The following USP48 variants were observed in gnomAD, a reference collection of about 807,000 sequenced individuals.
USP48 encodes the protein ubiquitin carboxyl-terminal hydrolase 48.
USP48 carries 43 observed loss-of-function variants against 150.7 expected under a neutral mutation model. That is an observed-to-expected ratio of 0.29 (90% CI 0.22 to 0.37). The LOEUF is 0.37. Ranked by LOEUF, USP48 falls within the 10% of genes least tolerant of loss-of-function variation. The probability of loss-of-function intolerance (pLI) is 1.00; values close to 1 mark genes in which losing one functional copy is unlikely to be tolerated. For missense variants in USP48, 813 were observed against 1,249.6 expected, an observed-to-expected ratio of 0.65 and a Z score of 5.27; for synonymous variants, 396 against 425.9, an observed-to-expected ratio of 0.93 and a Z score of 0.86.
chr1:21,682,083 G>C (rs2097567499), intron 25 of USP48, among the ~76,000 whole-genome samples: 1 of 152,132 alleles, frequency 6.6e-6, no homozygotes, highest in African/African-American at 2.4e-5. Context: ...ATTCTTTCTT[G>C]ATTTAATGTT....
chr1:21,703,367 T>C (rs958472730), intron 21 of USP48, 145 bp downstream of exon 21: 22 of 530,858 alleles, frequency 4.1e-5, no homozygotes, highest in African/African-American at 3.8e-4. Flanking sequence ...TTTTCAATTA[T>C]TGTCCAATTT....
chr1:21,751,149 T>C (rs2152577350), intron 6 of USP48, among the ~76,000 whole-genome samples: 1 of 152,188 alleles, frequency 6.6e-6, no homozygotes, highest in East Asian at 1.9e-4. Flanking sequence ...ACCATATCAA[T>C]GTAAAAAAGT....
At position 21,767,367 on chromosome 1, in the gene USP48, AGTGCAGTG is replaced by A. The variant is rs1352062529; in HGVS notation, c.135-9592_135-9585del. On this transcript the variant is annotated intron_variant, in intron 1 of 26. Coordinates refer to ENST00000308271, the MANE Select transcript of USP48 (RefSeq NM_032236.8). ...TGTCTCGCTCTGTTGCCCAGGCTAG[AGTGCAGTG>A]GTGCAGTGGCTCAATCTCAGCTCAC... is the stretch of plus-strand genomic sequence containing the variant. Among the ~76,000 whole-genome samples, 3 of 152,002 alleles carry A rather than the reference AGTGCAGTG, an allele frequency of 2.0e-5. No homozygotes were observed. In the South Asian group the frequency reaches 6.2e-4, roughly 32 times the overall value.
At chr1:21,749,251 A>T (rs2097802940) in intron 6 of USP48, among the ~76,000 whole-genome samples, 1 of 152,078 alleles carries the variant, frequency 6.6e-6, no homozygotes, top group Non-Finnish European at 1.5e-5. Flanking sequence ...TACCACACTC[A>T]CTGACTTGCC....
At chr1:21,757,885 A>G (rs2097840838) in intron 1 of USP48, 102 bp from the exon 2 acceptor site, 1 of 1,358,646 alleles carries the variant, frequency 7.4e-7, no homozygotes, top group South Asian at 1.6e-5. Context: ...TCTATAAATT[A>G]GCAAAACTGA....
intron 11 of USP48, among the ~76,000 whole-genome samples, chr1:21,727,428 G>A (rs2097741661): frequency 6.6e-6 from 1 of 152,194 alleles, no homozygotes; most frequent in Admixed American, 6.5e-5. Flanking sequence ...GAAGCACAGT[G>A]CTAACTTGAC....
intron 8 of USP48, among the ~76,000 whole-genome samples, chr1:21,745,493 G>A (rs7546755): frequency 6.6e-6 from 1 of 151,996 alleles, no homozygotes; most frequent in African/African-American, 2.4e-5. Context: ...AGGAGGCTGA[G>A]TCCGTGATGA....
intron 12 of USP48, 112 bp from the exon 13 acceptor site, chr1:21,721,876 A>C (rs1167654839): frequency 2.9e-6 from 2 of 684,622 alleles, no homozygotes; most frequent in East Asian, 3.1e-5. Flanking sequence ...AAAGTCACAA[A>C]TGTTGGCAAT....
intron 25 of USP48, among the ~76,000 whole-genome samples, chr1:21,685,518 T>C (rs1020578168): frequency 2.6e-5 from 4 of 152,156 alleles, no homozygotes; most frequent in South Asian, 2.1e-4. Flanking sequence ...TTTCGCCATG[T>C]TGGCCAGGCT....
At chr1:21,690,546 C>T (rs1222200705) in intron 23 of USP48, among the ~76,000 whole-genome samples, 3 of 151,598 alleles carry the variant, frequency 2.0e-5, no homozygotes, top group Admixed American at 1.3e-4. Flanking sequence ...GTTGTTGAGA[C>T]AGGGTCTCAC....
intron 14 of USP48, among the ~76,000 whole-genome samples, chr1:21,718,290 A>G (rs2097710254): frequency 6.6e-6 from 1 of 152,236 alleles, no homozygotes; most frequent in South Asian, 2.1e-4. Flanking sequence ...TTTGACAGGG[A>G]GAGATGTACA....
chr1:21,738,978 T>TAA (rs1557537786), intron 8 of USP48, among the ~76,000 whole-genome samples: 1 of 152,174 alleles, frequency 6.6e-6, no homozygotes, highest in African/African-American at 2.4e-5. Context: ...AAAATATTTT[T>TAA]AAATCTTTCT....
chr1:21,753,145 G>A, intron 3 of USP48, 26 bp from the exon 4 acceptor site: 2 of 1,582,256 alleles, frequency 1.3e-6, no homozygotes, highest in Non-Finnish European at 1.7e-6. Flanking sequence ...TATAGATTTG[G>A]GGTTTTTTAA....
chr1:21,705,412 C>A (rs748071645), intron 19 of USP48, among the ~76,000 whole-genome samples: 11 of 152,100 alleles, frequency 7.2e-5, no homozygotes, highest in Non-Finnish European at 1.3e-4. Context: ...TAACCAAGAC[C>A]ATGTTGATTC....
At chr1:21,703,984 A>G (rs908494663) in intron 20 of USP48, among the ~76,000 whole-genome samples, 1 of 152,176 alleles carries the variant, frequency 6.6e-6, no homozygotes, top group South Asian at 2.1e-4. Context: ...TAGTCTCTCA[A>G]AGTATTAGGA....
chr1:21,705,733 G>A lies in USP48; in HGVS notation c.2378C>T (p.Ser793Phe). The A allele has an allele frequency of 1.3e-6, 2 of 1,599,128 alleles. No homozygotes were observed. The highest frequency in any genetic ancestry group is 1.1e-5 in the South Asian group (1 of 87,540). The change falls in exon 19 of 27, where the codon TCT (serine) becomes TTT (phenylalanine). Residue 793 changes from serine (S) to phenylalanine (F), a missense_variant. Coordinates refer to ENST00000308271, the MANE Select transcript of USP48 (RefSeq NM_032236.8). ...ATGAAGAGAAGGAACTCACAGTTTA[G>A]AATCTTCTTTGGTCATGGAAGCAAA... is the stretch of plus-strand genomic sequence containing the variant. ...FTFASMTKED[S>F]KLIALIWPSE... is the part of the protein sequence containing the mutation.
intron 1 of USP48, among the ~76,000 whole-genome samples, chr1:21,759,556 G>A (rs569760298): frequency 6.6e-6 from 1 of 152,252 alleles, no homozygotes; most frequent in South Asian, 2.1e-4. Context: ...ATTAGAAAAC[G>A]AACCTACATC....
Position 21,708,799 on chromosome 1 carries a change from C to T in USP48, c.1964-1931G>A, listed in dbSNP as rs562984029. 1.1e-4 allele frequency among the ~76,000 whole-genome samples: 16 copies of T among 144,010 alleles called. No homozygotes were observed. In the East Asian group the frequency reaches 2.8e-3, roughly 26 times the overall value. 94.5% of individuals were successfully genotyped at this position (144,010 alleles called of 152,430 possible). On this transcript the variant is annotated intron_variant, in intron 15 of 26. Coordinates refer to ENST00000308271, the MANE Select transcript of USP48 (RefSeq NM_032236.8). The stretch of plus-strand genomic sequence containing the variant: ...ACATGGGAGGCTGAGGCAGGAGAAT[C>T]GCTTGAACCCGGGAGGCAGAGGTTG...
chr1:21,692,177 G>A (rs773573768), intron 23 of USP48, among the ~76,000 whole-genome samples: 6 of 152,070 alleles, frequency 3.9e-5, no homozygotes, highest in South Asian at 2.1e-4. Context: ...GAACATCAGC[G>A]CCTGAAAAGC....
Sources: allele counts gnomAD v4.1 joint callset (sites outside exome capture counted in the v4.1 genomes callset), GRCh38; gene constraint gnomAD v4.1.1; transcripts MANE v1.5; gene names NCBI Gene and HGNC (gene_info 2026-07-23, HGNC 2026-07-21).